The following FAM135B variants were observed in gnomAD, a reference collection of about 807,000 sequenced individuals.
FAM135B encodes the protein protein FAM135B.
A neutral mutation model predicts 127.7 loss-of-function variants in FAM135B; 43 were observed. That is an observed-to-expected ratio of 0.34 (90% CI 0.26 to 0.43). The LOEUF is 0.43. Among genes scored for constraint, FAM135B ranks in the 20% least tolerant of loss-of-function variants. FAM135B has a pLI of 1.00. For missense variants in FAM135B, 1,558 were observed against 1,725.6 expected (o/e 0.90, Z 1.72); for synonymous variants, 670 against 665.1 (o/e 1.01, Z -0.11).
At chr8:138,199,707 G>T (rs994095082) in intron 7 of FAM135B, among the ~76,000 whole-genome samples, 6 of 152,164 alleles carry the variant, frequency 3.9e-5, no homozygotes, top group Non-Finnish European at 7.3e-5. Context: ...ATGAAGGAAG[G>T]GGAAGCAGGC....
rs557390984 is a variant in FAM135B, at chr8:138,152,899, C to T, written c.1576G>A (p.Ala526Thr). 5 of 1,614,214 alleles carry T rather than the reference C, an allele frequency of 3.1e-6. No individual in the cohort carries two copies. The highest frequency in any genetic ancestry group is 4.2e-6 in the Non-Finnish European group (5 of 1,180,032). The change falls in exon 13 of 20, where the codon GCT (alanine) becomes ACT (threonine). Residue 526 changes from alanine (A) to threonine (T), a missense_variant. By Grantham distance (58) the Ala-to-Thr change is moderately conservative. Coordinates refer to ENST00000395297, the MANE Select transcript of FAM135B (RefSeq NM_015912.4). Reference protein sequence around the residue: ...DECWTGQTSDAGTYPVADVDT... With the variant: ...DECWTGQTSDTGTYPVADVDT... ...ACATCTGCCACTGGATATGTCCCAGCATCAGATGTTTGGCCAGTCCAACAT... is the reference window on the plus strand; with the variant it reads ...ACATCTGCCACTGGATATGTCCCAGTATCAGATGTTTGGCCAGTCCAACAT...
At chr8:138,365,564 T>A (rs188270942) in intron 2 of FAM135B, among the ~76,000 whole-genome samples, 1 of 152,202 alleles carries the variant, frequency 6.6e-6, no homozygotes, top group Non-Finnish European at 1.5e-5. Context: ...TAGCTTATCA[T>A]CTTTAATTTT....
intron 1 of FAM135B, among the ~76,000 whole-genome samples, chr8:138,461,927 T>C (rs935115792): frequency 2.0e-5 from 3 of 152,110 alleles, no homozygotes; most frequent in East Asian, 1.9e-4. Flanking sequence ...GCATGATTCA[T>C]GTGGCTGTCA....
chr8:138,141,420 A>G lies in FAM135B; in HGVS notation c.3639-71T>C, dbSNP rs1166102046. On this transcript the variant is annotated intron_variant, in intron 16 of 19. Transcript: ENST00000395297. The surrounding 1 kb of genome is among the most constrained non-coding windows in gnomAD (Gnocchi z 4.7). ...TGCTGCCCAAGAGTGCAGTGCTGGAAGCATCAGGGGCCATTGTTCTCCACC... is the reference window on the plus strand; with the variant it reads ...TGCTGCCCAAGAGTGCAGTGCTGGAGGCATCAGGGGCCATTGTTCTCCACC... The G allele has an allele frequency of 2.0e-6, 3 of 1,494,092 alleles. No individual in the cohort carries two copies. The highest frequency in any genetic ancestry group is 2.8e-5 in the African/African-American group (2 of 72,638). 92.6% of individuals were successfully genotyped at this position (1,494,092 alleles called of 1,614,324 possible).
At chr8:138,188,139 G>A (rs373366678) in intron 9 of FAM135B, among the ~76,000 whole-genome samples, 16 of 152,196 alleles carry the variant, frequency 1.1e-4, no homozygotes, top group African/African-American at 3.1e-4. Flanking sequence ...TGCAAACCTC[G>A]CCCTGTGGAA....
intron 7 of FAM135B, among the ~76,000 whole-genome samples, chr8:138,226,184 T>TGCGCGC (rs1554637377): frequency 5.8e-4 from 81 of 139,290 alleles, no homozygotes; most frequent in African/African-American, 2.0e-3. Context: ...TGTGTGTGTG[T>TGCGCGC]GCGCGCATGT....
intron 3 of FAM135B, among the ~76,000 whole-genome samples, chr8:138,299,519 T>C (rs2130835108): frequency 6.6e-6 from 1 of 152,276 alleles, no homozygotes; most frequent in South Asian, 2.1e-4. Context: ...ACCTGGAGTC[T>C]GCAAGCTGCC....
At chr8:138,134,998 G>A (rs1318397835) in intron 19 of FAM135B, among the ~76,000 whole-genome samples, 1 of 152,176 alleles carries the variant, frequency 6.6e-6, no homozygotes, top group Admixed American at 6.6e-5. Context: ...CTATGCTAGA[G>A]CAGGAGTTGT....
At chr8:138,253,906 T>C (rs1821888732) in intron 5 of FAM135B, among the ~76,000 whole-genome samples, 1 of 152,194 alleles carries the variant, frequency 6.6e-6, no homozygotes, top group Non-Finnish European at 1.5e-5. Flanking sequence ...TTATGAAAAT[T>C]AAAAAATGTG....
chr8:138,188,425 T>C (rs1022570560), intron 9 of FAM135B, among the ~76,000 whole-genome samples: 5 of 152,152 alleles, frequency 3.3e-5, no homozygotes, highest in Non-Finnish European at 5.9e-5. Flanking sequence ...TGAGTTTGAA[T>C]TGGATCACTG....
intron 1 of FAM135B, among the ~76,000 whole-genome samples, chr8:138,418,587 CCAG>C (rs1834304673): frequency 6.6e-6 from 1 of 151,846 alleles, no homozygotes; most frequent in Admixed American, 6.6e-5. Context: ...CATCAGACTA[CCAG>C]CAGAACTCTC....
chr8:138,474,381 CAT>C (rs897088057), intron 1 of FAM135B, among the ~76,000 whole-genome samples: 11 of 152,158 alleles, frequency 7.2e-5, no homozygotes, highest in African/African-American at 2.7e-4. Context: ...ACTTATGATA[CAT>C]GTTTGTAAGG....
At chr8:138,162,373 G>C (rs948561349) in intron 12 of FAM135B, among the ~76,000 whole-genome samples, 1 of 152,174 alleles carries the variant, frequency 6.6e-6, no homozygotes, top group Non-Finnish European at 1.5e-5. Flanking sequence ...GTGGATGCAC[G>C]TCACTCATTA....
intron 1 of FAM135B, among the ~76,000 whole-genome samples, chr8:138,433,350 C>T (rs1464867244): frequency 4.6e-5 from 7 of 151,550 alleles, no homozygotes; most frequent in African/African-American, 1.5e-4. Context: ...GGTGAAACCC[C>T]GTCTCTATTA....
At chr8:138,399,279 A>C (rs763760833) in intron 1 of FAM135B, among the ~76,000 whole-genome samples, 4 of 152,128 alleles carry the variant, frequency 2.6e-5, no homozygotes, top group Non-Finnish European at 4.4e-5. Flanking sequence ...CAACCCTATA[A>C]GATGTGACTT....
At chr8:138,347,387 A>C (rs1025195838) in intron 2 of FAM135B, among the ~76,000 whole-genome samples, 2 of 152,170 alleles carry the variant, frequency 1.3e-5, no homozygotes, top group African/African-American at 4.8e-5. Context: ...AAGAGATGGC[A>C]ATGCTTATAG....
At chr8:138,135,816 C>T (rs968739910) in intron 19 of FAM135B, among the ~76,000 whole-genome samples, 2 of 152,062 alleles carry the variant, frequency 1.3e-5, no homozygotes, top group African/African-American at 4.8e-5. Flanking sequence ...ATGGTATATG[C>T]ATATAGTCTA....
chr8:138,322,647 G>C (rs1398294), intron 2 of FAM135B, among the ~76,000 whole-genome samples: 58,682 of 152,066 alleles, frequency 0.39, 11,508 homozygotes, highest in East Asian at 0.54. Flanking sequence ...AATAACTAGA[G>C]AGGTGAAATA....
intron 1 of FAM135B, among the ~76,000 whole-genome samples, chr8:138,425,858 A>T (rs1834809694): frequency 6.6e-6 from 1 of 151,402 alleles, no homozygotes; most frequent in South Asian, 2.1e-4. Flanking sequence ...GAATATAAAT[A>T]TACTATGGGG....
Sources: allele counts gnomAD v4.1 joint callset (sites outside exome capture counted in the v4.1 genomes callset), GRCh38; gene constraint gnomAD v4.1.1; non-coding constraint Gnocchi (gnomAD v3.1); transcripts MANE v1.5; gene names NCBI Gene and HGNC (gene_info 2026-07-23, HGNC 2026-07-21).